The following PXDN variants were observed in gnomAD, a reference collection of about 807,000 sequenced individuals.
The protein encoded by PXDN is peroxidasin.
Under a neutral mutation model 140.3 loss-of-function variants are expected in PXDN, and 77 were observed. That is an observed-to-expected ratio of 0.55 (90% CI 0.46 to 0.66). The LOEUF (loss-of-function observed/expected upper bound fraction) is 0.66. Among genes scored for constraint, PXDN ranks in the 30% least tolerant of loss-of-function variants. The pLI is 0.00. For synonymous variants in PXDN, 911 were observed against 857.4 expected, an observed-to-expected ratio of 1.06 and a Z score of -1.09; for missense variants, 1,838 against 2,039.5, an observed-to-expected ratio of 0.90 and a Z score of 1.90.
At position 1,683,889 on chromosome 2, in the gene PXDN, TC is replaced by T. The variant is rs74336100; in HGVS notation, c.489-163del. 0.065 allele frequency among the ~76,000 whole-genome samples: 9,825 copies of T among 152,280 alleles called. 378 individuals are homozygous for T. Among genetic ancestry groups the T allele is most frequent in the Admixed American group, 0.11 (1,609 of 15,290 alleles). Reference sequence around the variant, plus strand: ...GAAAACAAAAGAAATGGTTTTTTTTTCCTGTTTTATCAACACTCTCAATTAA... The same window carrying T: ...GAAAACAAAAGAAATGGTTTTTTTTTCTGTTTTATCAACACTCTCAATTAA... On this transcript the variant is annotated intron_variant, in intron 5 of 22. Coordinates refer to ENST00000252804, the MANE Select transcript of PXDN (RefSeq NM_012293.3).
At chr2:1,690,057 T>C (rs555180872) in intron 3 of PXDN, among the ~76,000 whole-genome samples, 18 of 152,316 alleles carry the variant, frequency 1.2e-4, no homozygotes, top group Non-Finnish European at 2.4e-4. Flanking sequence ...GCATATAGGT[T>C]GTACACAGGT....
At position 1,666,308 on chromosome 2, in the gene PXDN, T is replaced by C. The variant is rs758510382; in HGVS notation, c.1197A>G (p.Ile399Met). The C allele has an allele frequency of 6.2e-7, 1 of 1,614,012 alleles. No homozygotes were observed. The highest frequency in any genetic ancestry group is 2.2e-5 in the East Asian group (1 of 44,872). The change falls in exon 10 of 23, where the codon ATA becomes ATG. Residue 399 changes from isoleucine to methionine, a missense_variant. This residue lies in a region of PXDN where 537 missense variants were observed against 583.9 expected (regional missense o/e 0.92). Transcript: ENST00000252804. ...VNITPSGGLY[I>M]QNVVQGDSGE... Reference sequence around the variant, plus strand: ...CGCTGTCCCCCTGTACGACGTTCTGTATGTAAAGCCCGCCAGAAGGCGTGA... The same window carrying C: ...CGCTGTCCCCCTGTACGACGTTCTGCATGTAAAGCCCGCCAGAAGGCGTGA...
intron 6 of PXDN, among the ~76,000 whole-genome samples, chr2:1,681,697 G>A (rs1343373096): frequency 6.6e-6 from 1 of 152,246 alleles, no homozygotes; most frequent in African/African-American, 2.4e-5. Context: ...TCTCAGGTGA[G>A]GAGGCTGTGA....
At chr2:1,727,634 C>T (rs991049533) in intron 1 of PXDN, among the ~76,000 whole-genome samples, 2 of 152,132 alleles carry the variant, frequency 1.3e-5, no homozygotes, top group African/African-American at 2.4e-5. Flanking sequence ...TCCCATCCCT[C>T]TCAAGAACAG....
At chr2:1,638,348 G>C (rs1045410359) in intron 21 of PXDN, among the ~76,000 whole-genome samples, 3 of 152,100 alleles carry the variant, frequency 2.0e-5, no homozygotes, top group African/African-American at 7.2e-5. Flanking sequence ...CATTTCCACA[G>C]AGCGCCAGAG....
chr2:1,650,401 T>A (rs1682987151), intron 16 of PXDN, among the ~76,000 whole-genome samples: 1 of 152,200 alleles, frequency 6.6e-6, no homozygotes, highest in Admixed American at 6.5e-5. Context: ...GGTCACCTTC[T>A]TGCTCAGAGA....
intron 6 of PXDN, among the ~76,000 whole-genome samples, chr2:1,682,847 C>G (rs537424574): frequency 2.6e-5 from 4 of 151,640 alleles, no homozygotes; most frequent in Admixed American, 6.6e-5. Flanking sequence ...GGCTGAGGCA[C>G]GAGAATTGCT....
chr2:1,736,345 A>T (rs985195363), intron 1 of PXDN, among the ~76,000 whole-genome samples: 1 of 152,228 alleles, frequency 6.6e-6, no homozygotes, highest in Non-Finnish European at 1.5e-5. Context: ...CTGTAGGGTT[A>T]TCAACTGGCC....
chr2:1,637,752 A>G (rs1682605265), intron 21 of PXDN, among the ~76,000 whole-genome samples: 2 of 138,172 alleles, frequency 1.4e-5, no homozygotes, highest in African/African-American at 5.5e-5. Context: ...CTGTGGAGGG[A>G]GGAGGACCTG....
intron 9 of PXDN, among the ~76,000 whole-genome samples, chr2:1,668,383 C>A (rs1202248562): frequency 1.3e-5 from 2 of 152,126 alleles, no homozygotes; most frequent in Non-Finnish European, 2.9e-5. Context: ...ATTCAGGACA[C>A]AGGCATGGGC....
Position 1,684,096 on chromosome 2 carries a change from G to A in PXDN, c.472C>T (p.Pro158Ser). ...TLDPDSFQHL[P>S]KLERLFLHNN... ...ACAACTCACAGCCTCTCGAGCTTCG[G>A]GAGATGCTGGAACGAATCTGGGTCC... The change falls in exon 5 of 23, where the codon CCG becomes TCG. Residue 158 changes from proline (P) to serine (S), a missense_variant. Physicochemically the swap from Pro to Ser is moderately conservative, Grantham distance 74. This residue lies in a region of PXDN where 231 missense variants were observed against 201.5 expected (regional missense o/e 1.15). Coordinates refer to ENST00000252804, the MANE Select transcript of PXDN (RefSeq NM_012293.3). The A allele has an allele frequency of 1.3e-6, 2 of 1,585,704 alleles. No individual in the cohort carries two copies. The highest frequency in any genetic ancestry group is 2.3e-5 in the South Asian group (2 of 86,070).
chr2:1,740,002 T>A (rs1199507066), intron 1 of PXDN, among the ~76,000 whole-genome samples: 2 of 152,030 alleles, frequency 1.3e-5, no homozygotes, highest in Non-Finnish European at 2.9e-5. Flanking sequence ...CATCTGCACA[T>A]CCCGCATAGG....
At chr2:1,680,070 G>A in intron 7 of PXDN, 123 bp downstream of exon 7, 1 of 1,238,242 alleles carries the variant, frequency 8.1e-7, no homozygotes, top group Non-Finnish European at 1.1e-6. Flanking sequence ...GTCTATAAAT[G>A]GTGTGTGTGT....
chr2:1,704,367 A>AG (rs1376248425), intron 1 of PXDN, among the ~76,000 whole-genome samples: 3 of 51,766 alleles, frequency 5.8e-5, no homozygotes, highest in Non-Finnish European at 7.6e-5. Context: ...CTCCAGGTGA[A>AG]GGGGGGGCAA....
At chr2:1,675,338 T>C (rs1292788861) in intron 8 of PXDN, among the ~76,000 whole-genome samples, 1 of 152,144 alleles carries the variant, frequency 6.6e-6, no homozygotes, top group African/African-American at 2.4e-5. Context: ...AGCTGTGAGA[T>C]TTCAACTGCG....
chr2:1,647,129 C>T (rs753450409), intron 17 of PXDN, among the ~76,000 whole-genome samples: 3 of 151,898 alleles, frequency 2.0e-5, no homozygotes, highest in Admixed American at 1.3e-4. Context: ...CTCCTGACCT[C>T]GTGATCCACT....
intron 3 of PXDN, among the ~76,000 whole-genome samples, chr2:1,688,733 C>G (rs1433695698): frequency 6.6e-6 from 1 of 152,182 alleles, no homozygotes; most frequent in Non-Finnish European, 1.5e-5. Flanking sequence ...GCTTTTCCTA[C>G]TTTTCAAATT....
chr2:1,648,696 G>T lies in PXDN; in HGVS notation c.3084C>A (p.His1028Gln). The T allele has an allele frequency of 6.2e-7, 1 of 1,607,154 alleles. No individual in the cohort carries two copies. ...TCGGGAGCCAGTGCTGGTAGGTGATGTGCTGGATCTCCGCACCCACGATCT... is the reference window on the plus strand; with the variant it reads ...TCGGGAGCCAGTGCTGGTAGGTGATTTGCTGGATCTCCGCACCCACGATCT... ...TRKIVGAEIQHITYQHWLPKI... is the reference protein window; with the variant it reads ...TRKIVGAEIQQITYQHWLPKI... The change falls in exon 17 of 23, where the codon CAC becomes CAA. Residue 1028 changes from histidine (H) to glutamine (Q), a missense_variant. Transcript: ENST00000252804. This position sits in a 1 kb window ranked among gnomAD's most constrained non-coding sequence, Gnocchi z 8.9.
Position 1,714,437 on chromosome 2 carries a change from C to G in PXDN, c.201-21303G>C, listed in dbSNP as rs1403882326. On this transcript the variant is annotated intron_variant, in intron 1 of 22. Coordinates refer to ENST00000252804, the MANE Select transcript of PXDN (RefSeq NM_012293.3). This position sits in a 1 kb window ranked among gnomAD's most constrained non-coding sequence, Gnocchi z 4.3. The stretch of plus-strand genomic sequence containing the variant: ...GGGAGCAGGGACCCTGCCAGTTACA[C>G]TTCCTAGAACTTCCAACCCCTTCCT... Among the ~76,000 whole-genome samples, 2 of 152,174 alleles carry G rather than the reference C, an allele frequency of 1.3e-5. No homozygotes were observed. The highest frequency in any genetic ancestry group is 4.8e-5 in the African/African-American group (2 of 41,456).
Sources: allele counts gnomAD v4.1 joint callset (sites outside exome capture counted in the v4.1 genomes callset), GRCh38; gene constraint gnomAD v4.1.1; regional missense constraint gnomAD v4.1.1; non-coding constraint Gnocchi (gnomAD v3.1); transcripts MANE v1.5; gene names NCBI Gene and HGNC (gene_info 2026-07-23, HGNC 2026-07-21).